Variants in TANC2 observed in about 807,000 individuals in gnomAD.
TANC2 encodes the protein protein TANC2.
A neutral mutation model predicts 210.5 loss-of-function variants in TANC2; 26 were observed. The ratio of observed to expected loss-of-function variants is 0.12; its 90% CI spans 0.09 to 0.17. The LOEUF (loss-of-function observed/expected upper bound fraction) is 0.17. Among genes scored for constraint, TANC2 ranks in the 10% least tolerant of loss-of-function variants. The pLI is 1.00. For missense variants in TANC2, 2,129 were observed against 2,608.9 expected, an observed-to-expected ratio of 0.82 and a Z score of 4.01; for synonymous variants, 931 against 967.1, an observed-to-expected ratio of 0.96 and a Z score of 0.69.
chr17:63,194,299 T>C (rs1244614018), intron 6 of TANC2, among the ~76,000 whole-genome samples, 160 bp downstream of exon 6: 1 of 152,208 alleles, frequency 6.6e-6, no homozygotes, highest in Non-Finnish European at 1.5e-5. Context: ...TTAGCTTTAG[T>C]CTTAGATTTA....
At chr17:63,019,747 A>G (rs1378018196) in intron 2 of TANC2, among the ~76,000 whole-genome samples, 2 of 151,772 alleles carry the variant, frequency 1.3e-5, no homozygotes, top group Non-Finnish European at 2.9e-5. Context: ...TCATCTTTTC[A>G]TGTACTTATT....
At chr17:63,316,681 G>T (rs2146604751) in intron 10 of TANC2, among the ~76,000 whole-genome samples, 2 of 152,252 alleles carry the variant, frequency 1.3e-5, no homozygotes, top group South Asian at 4.1e-4. Context: ...CTATATATCA[G>T]AATTACTCAG....
intron 26 of TANC2, among the ~76,000 whole-genome samples, chr17:63,417,007 T>A (rs994184737): frequency 1.3e-5 from 2 of 152,232 alleles, no homozygotes; most frequent in Non-Finnish European, 2.9e-5. Flanking sequence ...ATAGACTTTT[T>A]AAAAATGCCC....
At chr17:63,304,445 G>T (rs1320988545) in intron 9 of TANC2, among the ~76,000 whole-genome samples, 14 of 152,122 alleles carry the variant, frequency 9.2e-5, no homozygotes. Context: ...AGCAAAGATG[G>T]GTGCTTGCTC....
At chr17:63,175,540 A>C (rs1270029524) in intron 5 of TANC2, among the ~76,000 whole-genome samples, 3 of 151,114 alleles carry the variant, frequency 2.0e-5, no homozygotes, top group African/African-American at 2.4e-5. Flanking sequence ...CGCCAAAAAA[A>C]AAAAAAAAAA....
Position 63,405,116 on chromosome 17 carries a change from C to T in TANC2, c.3332-6C>T. On this transcript the variant is annotated splice_region_variant and splice_polypyrimidine_tract_variant and intron_variant, in intron 19 of 27. Coordinates refer to ENST00000689528, the Ensembl canonical transcript of TANC2. The stretch of plus-strand genomic sequence containing the variant: ...CCTATCCTCAATCTTTGTTCTCTGC[C>T]CTTAGCCCTAACAGCTGCAGCCGGA... The T allele has an allele frequency of 6.2e-7, 1 of 1,608,958 alleles. No individual in the cohort carries two copies. The highest frequency in any genetic ancestry group is 8.5e-7 in the Non-Finnish European group (1 of 1,176,088).
At chr17:63,119,018 G>A (rs766210595) in intron 4 of TANC2, among the ~76,000 whole-genome samples, 67 of 152,060 alleles carry the variant, frequency 4.4e-4, no homozygotes, top group Middle Eastern at 3.4e-3. Flanking sequence ...TCCTGACCCC[G>A]TGATCCGCCC....
intron 5 of TANC2, among the ~76,000 whole-genome samples, chr17:63,159,977 A>G (rs1598495138): frequency 6.6e-6 from 1 of 152,156 alleles, no homozygotes. Flanking sequence ...TGGTGAGGGC[A>G]TTTTTCCTGG....
intron 2 of TANC2, among the ~76,000 whole-genome samples, chr17:63,013,647 A>T (rs1342633639): frequency 6.6e-6 from 1 of 151,806 alleles, no homozygotes; most frequent in Non-Finnish European, 1.5e-5. Context: ...CTGTAATCTC[A>T]GCTACTTGGG....
At chr17:63,086,029 GT>G (rs915652997) in intron 3 of TANC2, among the ~76,000 whole-genome samples, 57 of 144,418 alleles carry the variant, frequency 3.9e-4, no homozygotes, top group South Asian at 3.6e-3. Context: ...TTCTAGGTTT[GT>G]TTTTTTTTTA....
chr17:63,246,167 C>T (rs1267279428), intron 8 of TANC2, among the ~76,000 whole-genome samples: 1 of 151,332 alleles, frequency 6.6e-6, no homozygotes, highest in Non-Finnish European at 1.5e-5. Context: ...ATAACTACAA[C>T]AAATAGATAA....
intron 14 of TANC2, among the ~76,000 whole-genome samples, chr17:63,360,890 G>A (rs190736518): frequency 1.3e-5 from 2 of 152,152 alleles, no homozygotes; most frequent in East Asian, 1.9e-4. Flanking sequence ...GTGAGAACAC[G>A]CAATGTCTGT....
intron 14 of TANC2, among the ~76,000 whole-genome samples, chr17:63,378,510 C>T (rs1052949298): frequency 6.6e-6 from 1 of 152,174 alleles, no homozygotes; most frequent in Non-Finnish European, 1.5e-5. Context: ...TATTTTTCTG[C>T]AATTCTTTTA....
intron 7 of TANC2, among the ~76,000 whole-genome samples, chr17:63,219,287 G>C (rs987871634): frequency 6.6e-6 from 1 of 151,904 alleles, no homozygotes; most frequent in Admixed American, 6.6e-5. Flanking sequence ...ATTTTTAAAT[G>C]GTCACATTTT....
intron 5 of TANC2, chr17:63,154,632 G>C (rs2039772720): frequency 3.9e-5 from 6 of 152,012 alleles, no homozygotes; most frequent in Admixed American, 2.0e-4. Context: ...TATATATAAA[G>C]CACTTAGAAG....
chr17:63,117,178 A>G (rs887283539), intron 4 of TANC2: 1 of 152,234 alleles, frequency 6.6e-6, no homozygotes, highest in Admixed American at 6.5e-5. Context: ...CTGCACTGCT[A>G]GCCTTCCTTG....
chr17:63,261,735 G>C (rs781001832), intron 8 of TANC2, among the ~76,000 whole-genome samples: 19 of 152,140 alleles, frequency 1.2e-4, no homozygotes, highest in Non-Finnish European at 2.4e-4. Context: ...CACCTTTTTG[G>C]CTAACCAGCA....
intron 2 of TANC2, among the ~76,000 whole-genome samples, chr17:63,024,655 G>A (rs536143323): frequency 1.3e-5 from 2 of 152,118 alleles, no homozygotes; most frequent in African/African-American, 4.8e-5. Context: ...ACACATTTGC[G>A]TGTGTTCTGT....
At position 63,048,322 on chromosome 17, in the gene TANC2, C is replaced by T. The variant is rs151253893; in HGVS notation, c.68-25621C>T. Among the ~76,000 whole-genome samples the T allele has an allele frequency of 9.2e-4, 140 of 152,222 alleles. 1 individual carries two copies. The highest frequency in any genetic ancestry group is 1.5e-3 in the South Asian group (7 of 4,812). ...TTATTGCAGAACTCCAGTTTGAGAA[C>T]ACCTTATTTGTTTTTTGGAAAAACA... On this transcript the variant is annotated intron_variant, in intron 2 of 27. Transcript: ENST00000689528.
Sources: gnomAD v4.1 joint callset for allele counts (sites outside exome capture counted in the v4.1 genomes callset) on GRCh38, gnomAD v4.1.1 for gene constraint, MANE v1.5 for transcripts, NCBI Gene and HGNC (gene_info 2026-07-23, HGNC 2026-07-21) for gene names.